The following SNAP29 variants were observed in gnomAD, a reference collection of about 807,000 sequenced individuals.
SNAP29 encodes synaptosomal-associated protein 29.
A neutral mutation model predicts 27.9 loss-of-function variants in SNAP29; 13 were observed. That is an observed-to-expected ratio of 0.47 (90% CI 0.30 to 0.74). The LOEUF (loss-of-function observed/expected upper bound fraction) is 0.74, where lower values mean the gene tolerates loss of function less well. SNAP29 is among the 30% of genes least tolerant of loss of function. The pLI, the probability that SNAP29 is intolerant of heterozygous loss-of-function variation, is 0.06. For missense variants in SNAP29, 368 were observed against 336.5 expected (o/e 1.09, Z -0.73); for synonymous variants, 119 against 127.1 (o/e 0.94, Z 0.43).
At chr22:20,881,730 A>C (rs944522187) in intron 3 of SNAP29, among the ~76,000 whole-genome samples, 1 of 152,196 alleles carries the variant, frequency 6.6e-6, no homozygotes, top group Non-Finnish European at 1.5e-5. Context: ...GAGCGTGCCC[A>C]TCATTGGTTC....
At chr22:20,879,124 G>A (rs1203360444) in intron 2 of SNAP29, among the ~76,000 whole-genome samples, 6 of 151,964 alleles carry the variant, frequency 3.9e-5, no homozygotes, top group African/African-American at 7.3e-5. Flanking sequence ...CGGCTAACAC[G>A]GTGAAACCCC....
At chr22:20,860,636 G>A (rs940862106) in intron 1 of SNAP29, among the ~76,000 whole-genome samples, 6 of 152,100 alleles carry the variant, frequency 3.9e-5, no homozygotes, top group Middle Eastern at 6.8e-3. Context: ...CTCCCAAAGG[G>A]CTGGGATTAC....
Position 20,859,022 on chromosome 22 carries a change from G to C in SNAP29, c.-89G>C, listed in dbSNP as rs1928096209. The C allele has an allele frequency of 7.3e-7, 1 of 1,371,086 alleles. No individual in the cohort carries two copies. Among genetic ancestry groups the C allele is most frequent in the Non-Finnish European group, 1.0e-6 (1 of 1,001,518 alleles). The allele number at this position is 1,371,086 out of a possible 1,614,324, so 84.9% of individuals were successfully genotyped here. On this transcript the variant is annotated 5_prime_UTR_variant, in exon 1 of 5. Transcript: ENST00000215730. The stretch of plus-strand genomic sequence containing the variant: ...CGCGGAAGGAGTTCGCGCGACGACC[G>C]CGGGGTCGGCGGGCGGGGCGAGGCC...
chr22:20,866,224 G>T (rs887150320), intron 1 of SNAP29, among the ~76,000 whole-genome samples: 1 of 152,168 alleles, frequency 6.6e-6, no homozygotes, highest in Non-Finnish European at 1.5e-5. Flanking sequence ...CTTTGCCCTT[G>T]GTGGTTTTTC....
chr22:20,874,307 GACACACACAGACACACACACACACAC>G (rs1185020313), intron 2 of SNAP29, among the ~76,000 whole-genome samples: 2 of 117,642 alleles, frequency 1.7e-5, no homozygotes, highest in Non-Finnish European at 3.4e-5. Context: ...GACACACACA[GACACACACAGACACACACACACACAC>G]ACACACGAAA....
chr22:20,859,355 T>C lies in SNAP29; in HGVS notation c.237+8T>C, dbSNP rs1928157881. The stretch of plus-strand genomic sequence containing the variant: ...GGGGTCGCCTCTTCCGAGGTGAGCC[T>C]GGGGCAGGGCTGGTGTGGACTCGCC... On this transcript the variant is annotated splice_region_variant and intron_variant, in intron 1 of 4. Transcript: ENST00000215730. The C allele has an allele frequency of 6.3e-7, 1 of 1,587,284 alleles. No individual in the cohort carries two copies. The highest frequency in any genetic ancestry group is 1.7e-5 in the Admixed American group (1 of 59,972).
chr22:20,877,264 T>C (rs1403689984), intron 2 of SNAP29, among the ~76,000 whole-genome samples: 1 of 151,886 alleles, frequency 6.6e-6, no homozygotes, highest in Non-Finnish European at 1.5e-5. Context: ...CTACTAAAAA[T>C]ACAAAAATCA....
rs781708786 is a variant in SNAP29, at chr22:20,859,121, A to G, written c.11A>G (p.Tyr4Cys). The stretch of plus-strand genomic sequence containing the variant: ...AGCCGCGCCGGCACCATGTCAGCTT[A>G]CCCTAAAAGCTACAATCCGTTCGAC... MSA[Y>C]PKSYNPFDDD... is the part of the protein sequence containing the mutation. Residue 4 changes from tyrosine to cysteine, a missense_variant, in exon 1 of 5, where the codon TAC becomes TGC. Tyr to Cys is a radical substitution (Grantham distance 194). Coordinates refer to ENST00000215730, the MANE Select transcript of SNAP29 (RefSeq NM_004782.4). The G allele has an allele frequency of 1.2e-5, 19 of 1,606,626 alleles. No individual in the cohort carries two copies. The highest frequency in any genetic ancestry group is 1.6e-5 in the Non-Finnish European group (19 of 1,177,324).
chr22:20,882,560 G>A (rs1315944075), intron 3 of SNAP29, among the ~76,000 whole-genome samples: 1 of 152,118 alleles, frequency 6.6e-6, no homozygotes, highest in Non-Finnish European at 1.5e-5. Flanking sequence ...TGGAGGAAGA[G>A]CGGGGAGCAG....
chr22:20,883,334 C>T lies in SNAP29; in HGVS notation c.521-137C>T, dbSNP rs1335601544. ...ATGAGCCTGCGCTGTGCTCCTCCCT[C>T]ATCCCTCTGGATAGCCTCAGAACCA... On this transcript the variant is annotated intron_variant, in intron 3 of 4. Transcript: ENST00000215730. The T allele has an allele frequency of 4.5e-6, 3 of 663,680 alleles. No individual in the cohort carries two copies. The African/African-American group carries it at 5.3e-5, about 12-fold the overall frequency. The allele number at this position is 663,680 out of a possible 1,614,324, so 41.1% of individuals were successfully genotyped here.
intron 2 of SNAP29, among the ~76,000 whole-genome samples, chr22:20,871,881 CAAA>C (rs202046422): frequency 7.2e-6 from 1 of 138,922 alleles, no homozygotes; most frequent in African/African-American, 2.7e-5. Flanking sequence ...GACTCCGTCT[CAAA>C]AAAAAAAAAA....
At chr22:20,862,157 C>T (rs117652427) in intron 1 of SNAP29, among the ~76,000 whole-genome samples, 1 of 152,270 alleles carries the variant, frequency 6.6e-6, no homozygotes, top group Non-Finnish European at 1.5e-5. Context: ...GAAGTCTTGG[C>T]TTAGATTTGA....
At chr22:20,884,331 TAAAA>T (rs397868049) in intron 4 of SNAP29, among the ~76,000 whole-genome samples, 2 of 133,262 alleles carry the variant, frequency 1.5e-5, no homozygotes, top group African/African-American at 2.8e-5. Flanking sequence ...AAACTCCACC[TAAAA>T]AAAAAAAAAA....
At position 20,875,395 on chromosome 22, in the gene SNAP29, T is replaced by C. The variant is rs867255228; in HGVS notation, c.434+4862T>C. 3.3e-5 allele frequency among the ~76,000 whole-genome samples: 5 copies of C among 152,340 alleles called. No homozygotes were observed. In the Middle Eastern group the frequency reaches 0.01, roughly 311 times the overall value. On this transcript the variant is annotated intron_variant, in intron 2 of 4. Transcript: ENST00000215730. ...GAAAGCAAAACTTTCACCCACACTC[T>C]GCAGTTCTGTGGGAGCAGAAGCTGC...
At chr22:20,872,319 C>T (rs1163607931) in intron 2 of SNAP29, among the ~76,000 whole-genome samples, 1 of 151,948 alleles carries the variant, frequency 6.6e-6, no homozygotes, top group Non-Finnish European at 1.5e-5. Flanking sequence ...CAGCTCACTG[C>T]AACCTCTGCC....
chr22:20,867,677 C>T (rs1226741532), intron 1 of SNAP29, among the ~76,000 whole-genome samples: 1 of 152,222 alleles, frequency 6.6e-6, no homozygotes, highest in Non-Finnish European at 1.5e-5. Flanking sequence ...GCCTCACAGG[C>T]AAGATAAGCC....
intron 1 of SNAP29, among the ~76,000 whole-genome samples, chr22:20,866,192 C>T (rs996644131): frequency 6.6e-6 from 1 of 152,186 alleles, no homozygotes; most frequent in East Asian, 1.9e-4. Flanking sequence ...ACACAGACGG[C>T]GAGGGGCACC....
chr22:20,881,209 G>T, intron 3 of SNAP29, 75 bp downstream of exon 3: 2 of 1,047,522 alleles, frequency 1.9e-6, no homozygotes, highest in Non-Finnish European at 3.0e-6. Flanking sequence ...TGGTCCTTGG[G>T]GGGCAGTGGC....
chr22:20,866,287 A>G (rs574993350), intron 1 of SNAP29, among the ~76,000 whole-genome samples: 1 of 152,324 alleles, frequency 6.6e-6, no homozygotes, highest in South Asian at 2.1e-4. Flanking sequence ...TCCAGCTGCC[A>G]CAGTCAGAGC....
Sources: gnomAD v4.1 joint callset for allele counts (sites outside exome capture counted in the v4.1 genomes callset) on GRCh38, gnomAD v4.1.1 for gene constraint, MANE v1.5 for transcripts, NCBI Gene and HGNC (gene_info 2026-07-23, HGNC 2026-07-21) for gene names.